The following CHTOP variants were observed in gnomAD, a reference collection of about 807,000 sequenced individuals.
CHTOP encodes the protein chromatin target of PRMT1 protein.
In CHTOP, 18 loss-of-function variants were observed where a neutral mutation model predicts 33.6. That is an observed-to-expected ratio of 0.54 (90% CI 0.37 to 0.80). The LOEUF (loss-of-function observed/expected upper bound fraction) is 0.80. Among genes scored for constraint, CHTOP ranks in the 30% least tolerant of loss-of-function variants. The pLI, the probability that CHTOP is intolerant of heterozygous loss-of-function variation, is 0.00. For synonymous variants in CHTOP, 117 were observed against 127.7 expected (o/e 0.92, Z 0.56); for missense variants, 263 against 336.8 (o/e 0.78, Z 1.71).
intron 3 of CHTOP, among the ~76,000 whole-genome samples, chr1:153,639,726 C>G (rs931334521): frequency 1.1e-4 from 17 of 152,298 alleles, no homozygotes; most frequent in African/African-American, 4.1e-4. Context: ...AGTATAGGCT[C>G]TGCAGGAAGT....
At position 153,640,954 on chromosome 1, in the gene CHTOP, T is replaced by C. The variant is rs184375429; in HGVS notation, c.220-1292T>C. Among the ~76,000 whole-genome samples, 43 of 152,316 alleles carry C rather than the reference T, an allele frequency of 2.8e-4. 1 individual carries two copies. Among genetic ancestry groups the C allele is most frequent in the African/African-American group, 1.0e-3 (43 of 41,556 alleles). The stretch of plus-strand genomic sequence containing the variant: ...AACTTCCCAGCACTGTACAGTTCTT[T>C]TAAAGCACAAAGCTTGGGAGAATTA... On this transcript the variant is annotated intron_variant, in intron 3 of 5. Transcript: ENST00000368694.
intron 5 of CHTOP, chr1:153,644,312 A>G (rs992086922): frequency 1.3e-5 from 2 of 152,220 alleles, no homozygotes; most frequent in Non-Finnish European, 2.9e-5. Flanking sequence ...CATGTTTCCA[A>G]ATTATCTTGA....
At chr1:153,644,922 C>G (rs1327100275) in intron 5 of CHTOP, 142 bp from the exon 6 acceptor site, 3 of 685,644 alleles carry the variant, frequency 4.4e-6, no homozygotes, top group Non-Finnish European at 7.2e-6. Flanking sequence ...ATTGTGTTTC[C>G]TTTTTTTCCA....
intron 4 of CHTOP, 165 bp from the exon 5 acceptor site, chr1:153,643,062 T>C (rs1557941475): frequency 1.3e-6 from 1 of 755,010 alleles, no homozygotes; most frequent in East Asian, 2.6e-5. Context: ...GTTGAATTGA[T>C]TGAATAAAGA....
In CHTOP at chr1:153,645,297, C is replaced by A. The variant is rs11680; in HGVS notation, c.*28C>A. 3.5e-5 allele frequency: 57 copies of A among 1,606,684 alleles called. No homozygotes were observed. In the African/African-American group the frequency reaches 7.1e-4, roughly 20 times the overall value. ...CCTGCCCATCCTCCCATGAGAGACT[C>A]TTGTTAGTCAACACATCTGTAAATA... On this transcript the variant is annotated 3_prime_UTR_variant, in exon 6 of 6. Transcript: ENST00000368694.
rs374350378 is a variant in CHTOP at position 153,636,555 on chromosome 1, C to T, written c.-17-17C>T. ...TCACTATTGTGATTTGCTCATTTTA[C>T]GTATTGTTCTTTGTAGATTCTCGGG... On this transcript the variant is annotated splice_polypyrimidine_tract_variant and intron_variant, in intron 1 of 5. Coordinates refer to ENST00000368694, the MANE Select transcript of CHTOP (RefSeq NM_015607.4). 16 of 1,594,892 alleles carry T rather than the reference C, an allele frequency of 1.0e-5. No homozygotes were observed. The highest frequency in any genetic ancestry group is 1.2e-5 in the Non-Finnish European group (14 of 1,165,074).
chr1:153,634,835 T>TATAC (rs1281136822), intron 1 of CHTOP, among the ~76,000 whole-genome samples: 3 of 145,644 alleles, frequency 2.1e-5, no homozygotes, highest in Non-Finnish European at 4.5e-5. Context: ...TATGTATATA[T>TATAC]ATACATACAT....
At chr1:153,638,664 G>A (rs545264080) in intron 3 of CHTOP, 2 of 592,446 alleles carry the variant, frequency 3.4e-6, no homozygotes, top group African/African-American at 1.9e-5. Flanking sequence ...TGCCATCTAT[G>A]TGGCCTGTTT....
At chr1:153,636,952 C>T (rs925080635) in intron 2 of CHTOP, 4 of 288,694 alleles carry the variant, frequency 1.4e-5, no homozygotes, top group East Asian at 1.3e-4. Flanking sequence ...TCGTGCAGCA[C>T]GGTAGCATGG....
chr1:153,640,946 C>T (rs1668599813), intron 3 of CHTOP, among the ~76,000 whole-genome samples: 1 of 152,168 alleles, frequency 6.6e-6, no homozygotes, highest in Non-Finnish European at 1.5e-5. Context: ...CAGCACTGTA[C>T]AGTTCTTTTA....
chr1:153,641,963 C>T (rs1463397655), intron 3 of CHTOP, among the ~76,000 whole-genome samples: 1 of 152,196 alleles, frequency 6.6e-6, no homozygotes, highest in African/African-American at 2.4e-5. Context: ...CAGTGTATGA[C>T]TTCTGTAGCC....
In CHTOP at chr1:153,645,279, A is replaced by T. The variant is rs756441385; in HGVS notation, c.*10A>T. On this transcript the variant is annotated 3_prime_UTR_variant, in exon 6 of 6. Coordinates refer to ENST00000368694, the MANE Select transcript of CHTOP (RefSeq NM_015607.4). ...CGAAACCAATGATTGAAGCCTGCCC[A>T]TCCTCCCATGAGAGACTCTTGTTAG... 2.0e-5 allele frequency: 32 copies of T among 1,613,776 alleles called. No homozygotes were observed. The highest frequency in any genetic ancestry group is 2.7e-5 in the Non-Finnish European group (32 of 1,179,766).
intron 4 of CHTOP, 139 bp from the exon 5 acceptor site, chr1:153,643,088 C>T: frequency 1.1e-6 from 1 of 924,948 alleles, no homozygotes; most frequent in Non-Finnish European, 1.8e-6. Flanking sequence ...TTAATCTGTT[C>T]ACAGTATGCA....
In CHTOP at chr1:153,642,404, A is replaced by C. The variant is rs375453214; in HGVS notation, c.378A>C (p.Leu126=). ...GLRGGRATRT[L]LRGGMSLRGQ... ...GTGGGGGACGTGCCACCAGAACCCT[A>C]CTTAGGGGCGGGATGTCACTCCGAG... Residue 126 remains leucine, a synonymous_variant, in exon 4 of 6, where the codon CTA becomes CTC. Transcript: ENST00000368694. 1.9e-6 allele frequency: 3 copies of C among 1,613,666 alleles called. No homozygotes were observed. The highest frequency in any genetic ancestry group is 2.2e-5 in the South Asian group (2 of 91,060).
In CHTOP at chr1:153,638,341, C is replaced by G. The variant is rs375961912; in HGVS notation, c.112C>G (p.Arg38Gly). 6.2e-7 allele frequency: 1 copy of G among 1,614,190 alleles called. No homozygotes were observed. Among genetic ancestry groups the G allele is most frequent in the Non-Finnish European group, 8.5e-7 (1 of 1,180,040 alleles). The change falls in exon 3 of 6, where the codon CGG becomes GGG. Residue 38 changes from arginine (R) to glycine (G), a missense_variant. Around this residue, in one of 3 missense-constraint regions of CHTOP, gnomAD observed 73 missense variants for 108.9 expected, o/e 0.67. Coordinates refer to ENST00000368694, the MANE Select transcript of CHTOP (RefSeq NM_015607.4). ...KNKQPTPVNIRASMQQQQQLA... is the reference protein window; with the variant it reads ...KNKQPTPVNIGASMQQQQQLA... ...CAAACAGCCGACGCCAGTGAATATT[C>G]GGGCTTCGATGCAGCAACAACAGCA... is the stretch of plus-strand genomic sequence containing the variant.
intron 2 of CHTOP, 177 bp from the exon 3 acceptor site, chr1:153,638,118 T>G (rs1668478189): frequency 3.2e-6 from 2 of 631,118 alleles, no homozygotes; most frequent in Non-Finnish European, 5.6e-6. Context: ...AGTTTCTGAT[T>G]CTTGCAAGTT....
At chr1:153,641,868 T>C (rs545943793) in intron 3 of CHTOP, among the ~76,000 whole-genome samples, 13 of 152,318 alleles carry the variant, frequency 8.5e-5, no homozygotes, top group Admixed American at 7.2e-4. Context: ...AATCAAGTCA[T>C]ATAATTGTCA....
chr1:153,641,150 G>A (rs538188877), intron 3 of CHTOP, among the ~76,000 whole-genome samples: 1 of 152,370 alleles, frequency 6.6e-6, no homozygotes, highest in South Asian at 2.1e-4. Context: ...TTATGATCTT[G>A]TGCTAGAAAG....
intron 4 of CHTOP, chr1:153,642,694 G>A (rs754446246): frequency 1.0e-5 from 3 of 299,632 alleles, no homozygotes; most frequent in Non-Finnish European, 1.8e-5. Context: ...CCCTGCTGTT[G>A]CTTGAATCAA....
Sources: gnomAD v4.1 joint callset for allele counts (sites outside exome capture counted in the v4.1 genomes callset) on GRCh38, gnomAD v4.1.1 for gene constraint, gnomAD v4.1.1 regional missense constraint, MANE v1.5 for transcripts, NCBI Gene and HGNC (gene_info 2026-07-23, HGNC 2026-07-21) for gene names.